Variants in AMZ1 observed in about 807,000 individuals in gnomAD.
AMZ1 encodes archaelysin family metallopeptidase 1.
In AMZ1, 39 loss-of-function variants were observed where a neutral mutation model predicts 29.9. That is an observed-to-expected ratio of 1.30 (90% confidence interval 1.01 to 1.70). The LOEUF is 1.70. Among genes scored for constraint, AMZ1 ranks in the 40% most tolerant of loss-of-function variants. The pLI is 0.00. For missense variants in AMZ1, 1,041 were observed against 680.6 expected, an observed-to-expected ratio of 1.53 and a Z score of -5.89; for synonymous variants, 458 against 304.0, an observed-to-expected ratio of 1.51 and a Z score of -5.27.
chr7:2,709,381 G>T (rs574231697), intron 5 of AMZ1, 137 bp downstream of exon 5: 3 of 1,085,132 alleles, frequency 2.8e-6, no homozygotes, highest in East Asian at 5.4e-5. Flanking sequence ...GGAAAGCAAG[G>T]CTACACAGCT....
chr7:2,683,573 G>C (rs888735176), upstream of AMZ1, among the ~76,000 whole-genome samples: 1 of 152,028 alleles, frequency 6.6e-6, no homozygotes, highest in Admixed American at 6.6e-5. Flanking sequence ...GAGTAGCTGG[G>C]ACTACAGGTG....
intron 3 of AMZ1, 128 bp downstream of exon 3, chr7:2,703,017 A>AAACACCTGGGAAAT: frequency 7.5e-7 from 1 of 1,329,574 alleles, no homozygotes; most frequent in Non-Finnish European, 1.0e-6. Flanking sequence ...TCCATTTCCC[A>AAACACCTGGGAAAT]GGTGTTTGGG....
intron 2 of AMZ1, chr7:2,702,412 G>T: frequency 2.8e-6 from 1 of 361,244 alleles, no homozygotes; most frequent in South Asian, 6.0e-5. Context: ...CAGCTGCAGT[G>T]CCTGGCGCTA....
At chr7:2,759,836 G>C (rs141690815), upstream of AMZ1, among the ~76,000 whole-genome samples, 1 of 152,150 alleles carries the variant, frequency 6.6e-6, no homozygotes, top group African/African-American at 2.4e-5. Flanking sequence ...AACGGGTGCA[G>C]ATGCCGTCCA....
intron 1 of AMZ1, among the ~76,000 whole-genome samples, chr7:2,689,566 G>C (rs1787265057): frequency 6.6e-6 from 1 of 152,234 alleles, no homozygotes; most frequent in Admixed American, 6.5e-5. Flanking sequence ...GGGTTCCAGT[G>C]TGAAGCGTGG....
chr7:2,731,124 G>C lies in AMZ1; in HGVS notation n.550+21308G>C. The C allele has an allele frequency of 8.4e-7, 1 of 1,191,690 alleles. No homozygotes were observed. The highest frequency in any genetic ancestry group is 1.2e-6 in the Non-Finnish European group (1 of 823,568). 73.8% of individuals were successfully genotyped at this position (1,191,690 alleles called of 1,614,324 possible). A position where few individuals can be genotyped will look rare whatever the true frequency, so the allele number is the denominator to read the frequency against. On this transcript the variant is annotated intron_variant and non_coding_transcript_variant, in intron 4 of 4. Coordinates refer to the AMZ1 transcript ENST00000489665. This position sits in a 1 kb window ranked among gnomAD's most constrained non-coding sequence, Gnocchi z 6.0. ...CCACACAGACAACACACACCCAAGA[G>C]TCTGACCGACAGCCGTGGGGGCTGC...
intron 5 of AMZ1, 46 bp downstream of exon 5, chr7:2,709,290 G>C: frequency 6.8e-7 from 1 of 1,466,662 alleles, no homozygotes; most frequent in Non-Finnish European, 9.0e-7. Context: ...GGAGGGTGCT[G>C]TCTGAGCCCT....
intron 4 of AMZ1, chr7:2,730,461 T>C (rs1421836037): frequency 6.6e-6 from 1 of 152,442 alleles, no homozygotes; most frequent in Non-Finnish European, 1.5e-5. Flanking sequence ...CTGAGCCTGC[T>C]GTAGGGGCGT....
chr7:2,750,827 T>A (rs893309280), intron 4 of AMZ1, among the ~76,000 whole-genome samples: 2 of 152,282 alleles, frequency 1.3e-5, no homozygotes, highest in East Asian at 1.9e-4. Context: ...AGAACCAGAT[T>A]CGGATATGGC....
At chr7:2,705,919 G>A (rs551272609) in intron 3 of AMZ1, among the ~76,000 whole-genome samples, 84 of 152,350 alleles carry the variant, frequency 5.5e-4, no homozygotes, top group African/African-American at 1.8e-3. Flanking sequence ...CGTACACGGT[G>A]CGTCTCACCT....
chr7:2,708,467 C>A, intron 3 of AMZ1, 121 bp from the exon 4 acceptor site: 1 of 1,470,372 alleles, frequency 6.8e-7, no homozygotes, highest in East Asian at 2.4e-5. Context: ...GTGGCCCACA[C>A]CTGACTTGGG....
At chr7:2,762,938 T>G (rs1791636662), upstream of AMZ1, 1 of 1,382,280 alleles carries the variant, frequency 7.2e-7, no homozygotes, top group African/African-American at 1.5e-5. Flanking sequence ...CCCCAGACAC[T>G]CCCGTGGGGC....
intron 4 of AMZ1, among the ~76,000 whole-genome samples, chr7:2,744,420 G>A (rs1218493465): frequency 6.6e-6 from 1 of 152,204 alleles, no homozygotes; most frequent in Non-Finnish European, 1.5e-5. Flanking sequence ...GTCTGGAGTG[G>A]ACCTCTAGCA....
At chr7:2,738,329 A>C (rs1790315854) in intron 4 of AMZ1, among the ~76,000 whole-genome samples, 1 of 152,126 alleles carries the variant, frequency 6.6e-6, no homozygotes, top group African/African-American at 2.4e-5. Context: ...CAGAAATACA[A>C]AGTGACGCAG....
At position 2,718,627 on chromosome 7, in the gene AMZ1, A is replaced by G. The variant is rs765040731; in HGVS notation, c.*5749A>G. ...TCTGAAGCCGACGCCCCTCTCGGTC[A>G]GGCTTTCAGCAGCAGAAGGCAGTGG... On this transcript the variant is annotated 3_prime_UTR_variant, in exon 7 of 7. Transcript: ENST00000683327. Among the ~76,000 whole-genome samples the G allele has an allele frequency of 6.6e-6, 1 of 152,242 alleles. No homozygotes were observed. The highest frequency in any genetic ancestry group is 6.5e-5 in the Admixed American group (1 of 15,286).
At chr7:2,727,017 A>G (rs558079676) in intron 4 of AMZ1, among the ~76,000 whole-genome samples, 1 of 152,328 alleles carries the variant, frequency 6.6e-6, no homozygotes, top group East Asian at 1.9e-4. Context: ...GTTTAGGTGT[A>G]TATGCTGCCA....
intron 4 of AMZ1, among the ~76,000 whole-genome samples, chr7:2,739,070 GGT>G (rs1562396318): frequency 2.0e-5 from 3 of 152,170 alleles, no homozygotes; most frequent in Non-Finnish European, 4.4e-5. Flanking sequence ...GGCTCCGCAG[GGT>G]GTGTCCTCGG....
intron 4 of AMZ1, among the ~76,000 whole-genome samples, chr7:2,749,125 T>C (rs1349372774): frequency 6.6e-6 from 1 of 152,094 alleles, no homozygotes; most frequent in African/African-American, 2.4e-5. Context: ...GATCTAGAAC[T>C]AGAAATACCA....
chr7:2,709,826 T>A lies in AMZ1; in HGVS notation c.948+10T>A, dbSNP rs371227146. 9.9e-6 allele frequency: 16 copies of A among 1,610,734 alleles called. No homozygotes were observed. The African/African-American group carries it at 2.0e-4, about 20-fold the overall frequency. On this transcript the variant is annotated intron_variant, in intron 6 of 6. Coordinates refer to ENST00000683327, the MANE Select transcript of AMZ1 (RefSeq NM_001384743.1). Reference sequence around the variant, plus strand: ...CATCGAGAGGTACCAGGTGAGTGGCTGAGTTGCGCTGCCCGGCTGCTGGGA... The same window carrying A: ...CATCGAGAGGTACCAGGTGAGTGGCAGAGTTGCGCTGCCCGGCTGCTGGGA...
Sources: gnomAD v4.1 joint callset for allele counts (sites outside exome capture counted in the v4.1 genomes callset) on GRCh38, gnomAD v4.1.1 for gene constraint, Gnocchi (gnomAD v3.1) non-coding constraint, MANE v1.5 for transcripts, NCBI Gene and HGNC (gene_info 2026-07-23, HGNC 2026-07-21) for gene names.